Variants in ARHGAP26 observed in about 807,000 individuals in gnomAD.
ARHGAP26 encodes rho GTPase-activating protein 26.
Under a neutral mutation model 104.8 loss-of-function variants are expected in ARHGAP26, and 38 were observed. That is an observed-to-expected ratio of 0.36 (90% CI 0.28 to 0.48). The LOEUF (loss-of-function observed/expected upper bound fraction) is 0.48. Among genes scored for constraint, ARHGAP26 ranks in the 20% least tolerant of loss-of-function variants. ARHGAP26 has a pLI of 0.99. For synonymous variants in ARHGAP26, 341 were observed against 340.0 expected (o/e 1.00, Z -0.03); for missense variants, 704 against 947.9 (o/e 0.74, Z 3.38).
chr5:142,927,697 A>G (rs1414478416), intron 10 of ARHGAP26, among the ~76,000 whole-genome samples: 1 of 152,226 alleles, frequency 6.6e-6, no homozygotes, highest in African/African-American at 2.4e-5. Flanking sequence ...ATGTAGAGGT[A>G]GAATTGCTAG....
At chr5:142,849,666 A>C (rs1751143399) in intron 1 of ARHGAP26, among the ~76,000 whole-genome samples, 2 of 151,874 alleles carry the variant, frequency 1.3e-5, no homozygotes, top group African/African-American at 4.8e-5. Flanking sequence ...GCCACCACCC[A>C]CATGAACATG....
At chr5:143,081,934 C>T (rs978205034) in intron 17 of ARHGAP26, among the ~76,000 whole-genome samples, 3 of 142,018 alleles carry the variant, frequency 2.1e-5, no homozygotes, top group Admixed American at 7.7e-5. Flanking sequence ...GGCATGAACC[C>T]GGGAGGTGGA....
intron 19 of ARHGAP26, among the ~76,000 whole-genome samples, chr5:143,146,822 A>G (rs1476140679): frequency 6.6e-6 from 1 of 152,248 alleles, no homozygotes; most frequent in Non-Finnish European, 1.5e-5. Flanking sequence ...TATTAGAGGC[A>G]GGAGTTTTAG....
chr5:142,938,342 A>G (rs992494780), intron 11 of ARHGAP26, among the ~76,000 whole-genome samples: 1 of 152,206 alleles, frequency 6.6e-6, no homozygotes, highest in African/African-American at 2.4e-5. Context: ...TGGGTTGACA[A>G]ACAATAGGGT....
chr5:142,789,000 A>G (rs567566506), intron 1 of ARHGAP26, among the ~76,000 whole-genome samples: 2 of 152,342 alleles, frequency 1.3e-5, no homozygotes, highest in African/African-American at 2.4e-5. Context: ...TTAGACAACT[A>G]AAAAGTGCTG....
At chr5:142,966,531 G>C (rs555217228) in intron 11 of ARHGAP26, among the ~76,000 whole-genome samples, 1 of 152,174 alleles carries the variant, frequency 6.6e-6, no homozygotes, top group Non-Finnish European at 1.5e-5. Context: ...GAATAATAAA[G>C]TGTTGATTGT....
chr5:142,996,083 C>A (rs375729351), intron 11 of ARHGAP26, among the ~76,000 whole-genome samples: 1 of 152,078 alleles, frequency 6.6e-6, no homozygotes, highest in Non-Finnish European at 1.5e-5. Flanking sequence ...GGAGAAATAC[C>A]TAATGTAGGT....
At chr5:143,024,779 T>C (rs1780806290) in intron 12 of ARHGAP26, among the ~76,000 whole-genome samples, 1 of 152,150 alleles carries the variant, frequency 6.6e-6, no homozygotes, top group Non-Finnish European at 1.5e-5. Flanking sequence ...CCTGCACTGA[T>C]CAGAGTTGTC....
At chr5:142,783,350 G>C (rs1019120561) in intron 1 of ARHGAP26, among the ~76,000 whole-genome samples, 7 of 152,210 alleles carry the variant, frequency 4.6e-5, no homozygotes, top group Non-Finnish European at 8.8e-5. Context: ...CAGCGGATGT[G>C]GGGGAGCTCC....
At chr5:142,893,258 G>A (rs1758962782) in intron 5 of ARHGAP26, among the ~76,000 whole-genome samples, 2 of 152,020 alleles carry the variant, frequency 1.3e-5, no homozygotes, top group Admixed American at 6.6e-5. Context: ...TTATAGGCAT[G>A]AACCACGGCA....
intron 20 of ARHGAP26, chr5:143,193,943 C>T (rs532585830): frequency 6.6e-6 from 1 of 152,170 alleles, no homozygotes; most frequent in South Asian, 2.1e-4. Flanking sequence ...ACATAACCAC[C>T]GAGGATAAGG....
intron 11 of ARHGAP26, among the ~76,000 whole-genome samples, chr5:142,995,226 G>A (rs1776212681): frequency 7.9e-5 from 12 of 152,142 alleles, no homozygotes; most frequent in Admixed American, 7.9e-4. Context: ...GCGTGAACAG[G>A]CAACCTACAG....
At chr5:143,132,200 T>C (rs1413534234) in intron 18 of ARHGAP26, among the ~76,000 whole-genome samples, 2 of 152,118 alleles carry the variant, frequency 1.3e-5, no homozygotes, top group African/African-American at 4.8e-5. Flanking sequence ...GCTGGCATCA[T>C]TGGAGCCCGA....
chr5:142,895,090 A>G (rs1361036382), intron 6 of ARHGAP26, among the ~76,000 whole-genome samples: 1 of 152,206 alleles, frequency 6.6e-6, no homozygotes, highest in Admixed American at 6.5e-5. Context: ...GAAACACCAA[A>G]ATAGTATATG....
At chr5:143,186,632 T>C (rs1226521224) in intron 20 of ARHGAP26, among the ~76,000 whole-genome samples, 1 of 152,186 alleles carries the variant, frequency 6.6e-6, no homozygotes, top group Non-Finnish European at 1.5e-5. Flanking sequence ...GAGCTCAGGA[T>C]TGACACCTCC....
At chr5:142,909,512 G>T (rs1039792605) in intron 9 of ARHGAP26, among the ~76,000 whole-genome samples, 3 of 152,078 alleles carry the variant, frequency 2.0e-5, no homozygotes, top group Non-Finnish European at 4.4e-5. Flanking sequence ...TTTCTTCCTG[G>T]CTTTCTTTTA....
chr5:143,109,768 A>G (rs1794540000), intron 17 of ARHGAP26, among the ~76,000 whole-genome samples: 2 of 152,072 alleles, frequency 1.3e-5, no homozygotes, highest in Non-Finnish European at 2.9e-5. Flanking sequence ...ATGTTAAGCA[A>G]CCTATGGAAT....
intron 1 of ARHGAP26, among the ~76,000 whole-genome samples, chr5:142,830,610 T>C (rs1768210590): frequency 6.6e-6 from 1 of 152,184 alleles, no homozygotes; most frequent in Non-Finnish European, 1.5e-5. Flanking sequence ...AATACCGGTC[T>C]TCAAAAAATG....
chr5:143,124,485 A>G (rs1273355994), intron 18 of ARHGAP26, among the ~76,000 whole-genome samples: 1 of 152,154 alleles, frequency 6.6e-6, no homozygotes, highest in African/African-American at 2.4e-5. Flanking sequence ...GGTTGGTTTG[A>G]CTGGGACTGG....
Sources: allele counts gnomAD v4.1 joint callset (sites outside exome capture counted in the v4.1 genomes callset), GRCh38; gene constraint gnomAD v4.1.1; transcripts MANE v1.5; gene names NCBI Gene and HGNC (gene_info 2026-07-23, HGNC 2026-07-21).